FAM83A: variants seen among roughly 807,000 people sequenced by gnomAD.
FAM83A encodes scaffolding CK1 anchoring protein A.
FAM83A carries 21 observed loss-of-function variants against 24.4 expected under a neutral mutation model. The observed-to-expected ratio is 0.86, with a 90% confidence interval of 0.61 to 1.24. The LOEUF (loss-of-function observed/expected upper bound fraction) is 1.24, where lower values mean the gene tolerates loss of function less well. Ranked by LOEUF, FAM83A falls within the 50% of genes most tolerant of loss-of-function variation. FAM83A has a pLI of 0.00. For synonymous variants in FAM83A, 270 were observed against 252.4 expected (o/e 1.07, Z -0.66); for missense variants, 617 against 579.8 (o/e 1.06, Z -0.66).
intron 3 of FAM83A, among the ~76,000 whole-genome samples, chr8:123,199,663 G>A (rs1824281356): frequency 6.6e-6 from 1 of 152,072 alleles, no homozygotes; most frequent in South Asian, 2.1e-4. Context: ...GAACCCAGGA[G>A]GCAGAGGTTG....
At chr8:123,182,697 G>A in exon 1 of FAM83A, 1 of 1,060,524 alleles carries the variant, frequency 9.4e-7, no homozygotes. Context: ...CAGGACAGCG[G>A]TAAATCACTT....
upstream of FAM83A, chr8:123,181,705 C>A (rs1038563094): frequency 1.0e-5 from 2 of 199,500 alleles, no homozygotes; most frequent in Non-Finnish European, 2.1e-5. Context: ...AGGCTGGAAC[C>A]CCCTGATGTC....
Position 123,209,378 on chromosome 8 carries a change from A to G in FAM83A, c.*1690A>G. The G allele has an allele frequency of 1.3e-6, 2 of 1,491,048 alleles. No individual in the cohort carries two copies. The highest frequency in any genetic ancestry group is 1.8e-6 in the Non-Finnish European group (2 of 1,123,240). 92.4% of individuals were successfully genotyped at this position (1,491,048 alleles called of 1,614,324 possible). ...GCTTCTGGTTTCTTTTATTATTATT[A>G]TTATTATTAATTATTGTATTCCTGT... On this transcript the variant is annotated 3_prime_UTR_variant, in exon 4 of 4. Transcript: ENST00000690554. This position sits in a 1 kb window ranked among gnomAD's most constrained non-coding sequence, Gnocchi z 4.7.
chr8:123,199,181 C>T lies in FAM83A; in HGVS notation c.773+5033C>T, dbSNP rs148645372. 3.3e-3 allele frequency among the ~76,000 whole-genome samples: 495 copies of T among 152,192 alleles called. 19 individuals carry two copies. In the East Asian group the frequency reaches 0.083, roughly 25 times the overall value. On this transcript the variant is annotated intron_variant, in intron 3 of 3. Transcript: ENST00000690554. Reference sequence around the variant, plus strand: ...AGTAAAACAGCAAGTGTAAATACTTCGCTGCTGGGCATCTGAGATGCACTA... The same window carrying T: ...AGTAAAACAGCAAGTGTAAATACTTTGCTGCTGGGCATCTGAGATGCACTA...
chr8:123,197,764 G>A (rs561327953), intron 3 of FAM83A, among the ~76,000 whole-genome samples: 12 of 152,318 alleles, frequency 7.9e-5, no homozygotes, highest in African/African-American at 2.6e-4. Flanking sequence ...CAAAGAACAG[G>A]TGCAGTTTGA....
At chr8:123,207,179 G>C in exon 4 of FAM83A, 1 of 1,445,654 alleles carries the variant, frequency 6.9e-7, no homozygotes, top group Non-Finnish European at 9.3e-7. Context: ...CTGCGGACAC[G>C]TGCACCGGAA....
At chr8:123,204,974 G>A (rs933663756) in intron 3 of FAM83A, among the ~76,000 whole-genome samples, 1 of 151,512 alleles carries the variant, frequency 6.6e-6, no homozygotes, top group African/African-American at 2.4e-5. Flanking sequence ...TTAGCCAGAT[G>A]TGGTGGTGGG....
At position 123,204,360 on chromosome 8, in the gene FAM83A, A is replaced by C. The variant is rs1461046422; in HGVS notation, c.774-2797A>C. On this transcript the variant is annotated intron_variant, in intron 3 of 3. Transcript: ENST00000690554. ...TATTACTTAAAATCACCAATTAAATAGTTAAATAAGTGAAAATGGGTGATG... is the reference window on the plus strand; with the variant it reads ...TATTACTTAAAATCACCAATTAAATCGTTAAATAAGTGAAAATGGGTGATG... 2.6e-5 allele frequency among the ~76,000 whole-genome samples: 4 copies of C among 152,216 alleles called. No homozygotes were observed. In the East Asian group the frequency reaches 5.8e-4, roughly 22 times the overall value.
At chr8:123,189,822 C>T (rs1045426205) in intron 1 of FAM83A, among the ~76,000 whole-genome samples, 3 of 152,196 alleles carry the variant, frequency 2.0e-5, no homozygotes, top group African/African-American at 4.8e-5. Context: ...GCCCCGACCA[C>T]CTTGGGCACA....
chr8:123,204,248 G>GC (rs991521193), intron 3 of FAM83A, among the ~76,000 whole-genome samples: 2 of 151,844 alleles, frequency 1.3e-5, no homozygotes, highest in South Asian at 4.2e-4. Context: ...TCCCATCTCT[G>GC]CCCCCAAAAA....
rs1006499547 is a variant in FAM83A at position 123,209,629 on chromosome 8, A to C, written c.*1941A>C. ...TAAGGAAGGCAAAGCTTGCCAGGTCACAGAAGCTCCCAAGCCCAGCTTTCC... is the reference window on the plus strand; with the variant it reads ...TAAGGAAGGCAAAGCTTGCCAGGTCCCAGAAGCTCCCAAGCCCAGCTTTCC... On this transcript the variant is annotated 3_prime_UTR_variant, in exon 4 of 4. Coordinates refer to ENST00000690554, the Ensembl canonical transcript of FAM83A. The surrounding 1 kb of genome is among the most constrained non-coding windows in gnomAD (Gnocchi z 4.7). The C allele has an allele frequency of 1.1e-5, 17 of 1,490,316 alleles. No homozygotes were observed. In the South Asian group the frequency reaches 1.9e-4, roughly 16 times the overall value. 92.3% of individuals were successfully genotyped at this position (1,490,316 alleles called of 1,614,324 possible).
intron 1 of FAM83A, among the ~76,000 whole-genome samples, chr8:123,189,332 A>G (rs1823900132): frequency 6.6e-6 from 1 of 152,230 alleles, no homozygotes; most frequent in African/African-American, 2.4e-5. Flanking sequence ...ACCAGCCATC[A>G]GTTTGGCCTG....
chr8:123,203,299 A>G (rs1824422784), intron 3 of FAM83A, among the ~76,000 whole-genome samples: 1 of 151,876 alleles, frequency 6.6e-6, no homozygotes, highest in African/African-American at 2.4e-5. Context: ...TCATTGAAAG[A>G]CATCTTGGCT....
At chr8:123,208,860 A>G (rs1824645774) in exon 4 of FAM83A, 16 of 949,930 alleles carry the variant, frequency 1.7e-5, no homozygotes, top group African/African-American at 1.8e-5. Flanking sequence ...TACAAAAATT[A>G]GGCTGAGACA....
At chr8:123,185,650 C>T (rs1337034390) in intron 1 of FAM83A, among the ~76,000 whole-genome samples, 1 of 152,216 alleles carries the variant, frequency 6.6e-6, no homozygotes, top group African/African-American at 2.4e-5. Context: ...TTGCCACAGT[C>T]CCCACCATTC....
At chr8:123,183,440 G>C in intron 1 of FAM83A, 104 bp downstream of exon 1, 1 of 1,490,346 alleles carries the variant, frequency 6.7e-7, no homozygotes. Context: ...CGAGAGTCCA[G>C]ATAATTGGGG....
intron 1 of FAM83A, among the ~76,000 whole-genome samples, chr8:123,186,266 C>T (rs1264386030): frequency 6.6e-6 from 1 of 151,898 alleles, no homozygotes; most frequent in Non-Finnish European, 1.5e-5. Context: ...CACCTACACA[C>T]CCCCCCACGT....
intron 3 of FAM83A, among the ~76,000 whole-genome samples, chr8:123,206,247 T>A (rs2131108231): frequency 6.6e-6 from 1 of 152,192 alleles, no homozygotes; most frequent in South Asian, 2.1e-4. Flanking sequence ...CTTGAGGGTG[T>A]CTTCCACCAC....
chr8:123,203,620 A>G (rs1476437395), intron 3 of FAM83A, among the ~76,000 whole-genome samples: 2 of 150,558 alleles, frequency 1.3e-5, no homozygotes, highest in Non-Finnish European at 3.0e-5. Context: ...TAAGAAAAGA[A>G]AAGAAAAAAA....
Sources: allele counts gnomAD v4.1 joint callset (sites outside exome capture counted in the v4.1 genomes callset), GRCh38; gene constraint gnomAD v4.1.1; non-coding constraint Gnocchi (gnomAD v3.1); transcripts MANE v1.5; gene names NCBI Gene and HGNC (gene_info 2026-07-23, HGNC 2026-07-21).